The following SLC24A3 variants were observed in gnomAD, a reference collection of about 807,000 sequenced individuals.
The protein encoded by SLC24A3 is sodium/potassium/calcium exchanger 3.
In SLC24A3, 28 loss-of-function variants were observed where a neutral mutation model predicts 75.8. That is an observed-to-expected ratio of 0.37 (90% CI 0.27 to 0.51). SLC24A3 has a LOEUF of 0.51. SLC24A3 is among the 20% of genes least tolerant of loss of function. The probability of loss-of-function intolerance (pLI) is 0.94; values close to 1 mark genes in which losing one functional copy is unlikely to be tolerated. For missense variants in SLC24A3, 663 were observed against 847.8 expected (o/e 0.78, Z 2.71); for synonymous variants, 372 against 334.1 (o/e 1.11, Z -1.24).
chr20:19,256,509 T>A (rs1982819006), intron 1 of SLC24A3, among the ~76,000 whole-genome samples: 1 of 152,098 alleles, frequency 6.6e-6, no homozygotes, highest in Non-Finnish European at 1.5e-5. Context: ...TGGCTCACGC[T>A]TGTAATTCCG....
At chr20:19,423,279 C>T (rs1417767740) in intron 2 of SLC24A3, among the ~76,000 whole-genome samples, 4 of 152,220 alleles carry the variant, frequency 2.6e-5, no homozygotes, top group African/African-American at 9.7e-5. Context: ...AAGGGGCCAT[C>T]TCCCTTCCTC....
chr20:19,452,712 C>T (rs940205145), intron 2 of SLC24A3, among the ~76,000 whole-genome samples: 1 of 151,936 alleles, frequency 6.6e-6, no homozygotes, highest in African/African-American at 2.4e-5. Context: ...TTGAAAACAG[C>T]TTCAGCAAGG....
chr20:19,411,146 G>A (rs1171019077), intron 2 of SLC24A3, among the ~76,000 whole-genome samples: 1 of 152,136 alleles, frequency 6.6e-6, no homozygotes, highest in Non-Finnish European at 1.5e-5. Context: ...TGAACCCAGG[G>A]TGATCACAAT....
intron 15 of SLC24A3, among the ~76,000 whole-genome samples, chr20:19,717,315 G>A (rs2033055119): frequency 6.6e-6 from 1 of 152,184 alleles, no homozygotes; most frequent in Admixed American, 6.5e-5. Context: ...ACTGAGAGTG[G>A]ACAAGACAAA....
At chr20:19,259,281 G>A (rs1982911271) in intron 1 of SLC24A3, among the ~76,000 whole-genome samples, 1 of 152,246 alleles carries the variant, frequency 6.6e-6, no homozygotes, top group South Asian at 2.1e-4. Context: ...CCGTACAGAT[G>A]TCTCAGGAGC....
intron 3 of SLC24A3, among the ~76,000 whole-genome samples, chr20:19,568,169 C>T (rs2030991199): frequency 6.6e-6 from 1 of 152,042 alleles, no homozygotes; most frequent in Admixed American, 6.6e-5. Flanking sequence ...AAATTGGAAC[C>T]CATTTACACT....
chr20:19,328,888 AAG>A (rs1157442496), intron 2 of SLC24A3, among the ~76,000 whole-genome samples: 1 of 152,206 alleles, frequency 6.6e-6, no homozygotes, highest in Non-Finnish European at 1.5e-5. Flanking sequence ...AGAGAGGACT[AAG>A]AGCCCAGCCC....
chr20:19,450,541 A>C (rs1247678740), intron 2 of SLC24A3, among the ~76,000 whole-genome samples: 1 of 152,186 alleles, frequency 6.6e-6, no homozygotes, highest in Non-Finnish European at 1.5e-5. Context: ...GCACCTGCCC[A>C]GTCCCCCTCA....
Position 19,483,781 on chromosome 20 carries a change from G to A in SLC24A3, c.272-31707G>A, listed in dbSNP as rs542451495. 4.6e-5 allele frequency among the ~76,000 whole-genome samples: 7 copies of A among 152,246 alleles called. No individual in the cohort carries two copies. In the South Asian group the frequency reaches 1.5e-3, roughly 32 times the overall value. On this transcript the variant is annotated intron_variant, in intron 2 of 16. Coordinates refer to ENST00000328041, the MANE Select transcript of SLC24A3 (RefSeq NM_020689.4). ...GTTGGGTCCGTGCTGCTGGTTTCTGGCTTTCTTCTTGGGTCACACTGGAAG... is the reference window on the plus strand; with the variant it reads ...GTTGGGTCCGTGCTGCTGGTTTCTGACTTTCTTCTTGGGTCACACTGGAAG...
At chr20:19,658,368 A>G (rs1023477296) in intron 7 of SLC24A3, among the ~76,000 whole-genome samples, 18 of 152,178 alleles carry the variant, frequency 1.2e-4, no homozygotes, top group Non-Finnish European at 1.8e-4. Flanking sequence ...AACCAAAACC[A>G]CAGGAGCAGG....
intron 1 of SLC24A3, 157 bp downstream of exon 1, chr20:19,213,141 C>T: frequency 1.2e-6 from 1 of 807,052 alleles, no homozygotes; most frequent in Non-Finnish European, 1.6e-6. Context: ...CGAGGACTCC[C>T]CCTGCCCCAC....
chr20:19,593,051 C>A (rs896357207), intron 6 of SLC24A3, among the ~76,000 whole-genome samples: 1 of 152,188 alleles, frequency 6.6e-6, no homozygotes, highest in African/African-American at 2.4e-5. Flanking sequence ...CTGCCTCAGC[C>A]TCCCCAAGTG....
intron 2 of SLC24A3, among the ~76,000 whole-genome samples, chr20:19,337,393 G>A (rs938662432): frequency 3.9e-5 from 6 of 152,054 alleles, no homozygotes; most frequent in African/African-American, 1.4e-4. Context: ...GCGGTGAGCT[G>A]AAATCACACC....
intron 2 of SLC24A3, among the ~76,000 whole-genome samples, chr20:19,312,970 A>G (rs1984494472): frequency 6.6e-6 from 1 of 151,344 alleles, no homozygotes; most frequent in South Asian, 2.1e-4. Flanking sequence ...AGGACCAACA[A>G]GATGAGGGAA....
intron 3 of SLC24A3, among the ~76,000 whole-genome samples, chr20:19,575,236 G>C (rs2031112719): frequency 7.9e-6 from 1 of 127,338 alleles, no homozygotes; most frequent in South Asian, 2.9e-4. Context: ...CAGCCTGGGT[G>C]ACAGAGTGAG....
At chr20:19,477,657 G>A (rs1987983830) in intron 2 of SLC24A3, among the ~76,000 whole-genome samples, 1 of 152,124 alleles carries the variant, frequency 6.6e-6, no homozygotes, top group South Asian at 2.1e-4. Flanking sequence ...CCTCCTGGCA[G>A]TGCTATCCTG....
intron 6 of SLC24A3, among the ~76,000 whole-genome samples, chr20:19,608,987 G>C (rs754053104): frequency 6.6e-6 from 1 of 152,200 alleles, no homozygotes; most frequent in East Asian, 1.9e-4. Flanking sequence ...TGAGGCAGAC[G>C]TGTTGAATGA....
intron 2 of SLC24A3, among the ~76,000 whole-genome samples, chr20:19,321,329 G>A (rs1222237074): frequency 6.6e-6 from 1 of 152,186 alleles, no homozygotes. Flanking sequence ...GCACTTGAGT[G>A]ATGGAGCGAA....
chr20:19,676,636 A>G (rs2032527332), intron 9 of SLC24A3, among the ~76,000 whole-genome samples: 1 of 152,254 alleles, frequency 6.6e-6, no homozygotes, highest in African/African-American at 2.4e-5. Flanking sequence ...AAAACAGCAT[A>G]TATTAGAATC....
Sources: allele counts gnomAD v4.1 joint callset (sites outside exome capture counted in the v4.1 genomes callset), GRCh38; gene constraint gnomAD v4.1.1; transcripts MANE v1.5; gene names NCBI Gene and HGNC (gene_info 2026-07-23, HGNC 2026-07-21).